Variants in PDE11A observed in about 807,000 individuals in gnomAD.
PDE11A encodes phosphodiesterase 11A.
PDE11A carries 100 observed loss-of-function variants against 100.5 expected under a neutral mutation model. The observed-to-expected ratio is 1.00, with a 90% CI of 0.85 to 1.18. PDE11A has a LOEUF of 1.18. Ranked by LOEUF, PDE11A falls within the 50% of genes most tolerant of loss-of-function variation. The pLI is 0.00. For synonymous variants in PDE11A, 381 were observed against 420.8 expected (o/e 0.91, Z 1.16); for missense variants, 1,141 against 1,152.6 (o/e 0.99, Z 0.15).
chr2:177,919,298 C>T (rs2085002560), intron 2 of PDE11A, among the ~76,000 whole-genome samples: 1 of 151,926 alleles, frequency 6.6e-6, no homozygotes, highest in East Asian at 1.9e-4. Context: ...GGGGTTTCAC[C>T]ATATTGACCA....
chr2:177,946,316 C>T (rs2085428602), intron 2 of PDE11A, among the ~76,000 whole-genome samples: 1 of 135,218 alleles, frequency 7.4e-6, no homozygotes, highest in African/African-American at 2.8e-5. Context: ...CCGCCCCGTC[C>T]GGGAGGGAGG....
At chr2:178,003,135 T>C (rs1368793721) in intron 2 of PDE11A, among the ~76,000 whole-genome samples, 1 of 152,206 alleles carries the variant, frequency 6.6e-6, no homozygotes, top group African/African-American at 2.4e-5. Context: ...CAAAACAGTC[T>C]GGTAGTTCCT....
intron 17 of PDE11A, among the ~76,000 whole-genome samples, chr2:177,671,984 GT>G (rs1255191505): frequency 6.6e-6 from 1 of 152,080 alleles, no homozygotes; most frequent in Non-Finnish European, 1.5e-5. Context: ...CTCTTCTCTA[GT>G]TTTCTCTCAG....
intron 19 of PDE11A, among the ~76,000 whole-genome samples, chr2:177,645,721 T>C (rs2080214678): frequency 6.6e-6 from 1 of 152,230 alleles, no homozygotes; most frequent in African/African-American, 2.4e-5. Context: ...TATTAGCTCA[T>C]TAGAATCCAA....
intron 9 of PDE11A, among the ~76,000 whole-genome samples, chr2:177,775,598 A>C (rs2082366730): frequency 6.6e-6 from 1 of 151,950 alleles, no homozygotes; most frequent in South Asian, 2.1e-4. Flanking sequence ...TCTCAAACTA[A>C]ACTTCGTGCT....
intron 2 of PDE11A, among the ~76,000 whole-genome samples, chr2:177,923,131 AC>A (rs2085076669): frequency 6.6e-6 from 1 of 151,902 alleles, no homozygotes; most frequent in South Asian, 2.1e-4. Flanking sequence ...CTAATGCAGT[AC>A]TTTTATATTA....
Position 177,845,186 on chromosome 2 carries a change from C to A in PDE11A, c.1368-4803G>T, listed in dbSNP as rs545951685. 3.2e-4 allele frequency among the ~76,000 whole-genome samples: 49 copies of A among 151,426 alleles called. No homozygotes were observed. In the South Asian group the frequency reaches 1.0e-2, roughly 31 times the overall value. On this transcript the variant is annotated intron_variant, in intron 5 of 19. Transcript: ENST00000286063. ...CGGGGGGCTGACCCCCCCCACCTCCCTCCCGGACGGGGTGGCTGCCGGGCG... is the reference window on the plus strand; with the variant it reads ...CGGGGGGCTGACCCCCCCCACCTCCATCCCGGACGGGGTGGCTGCCGGGCG...
At chr2:177,945,844 G>A (rs1216249536) in intron 2 of PDE11A, among the ~76,000 whole-genome samples, 49 of 113,930 alleles carry the variant, frequency 4.3e-4, no homozygotes, top group East Asian at 1.3e-3. Flanking sequence ...TCAGCCCCCC[G>A]CCTGGCCAGC....
At chr2:177,892,234 C>T (rs1276279288) in intron 4 of PDE11A, among the ~76,000 whole-genome samples, 5 of 152,050 alleles carry the variant, frequency 3.3e-5, no homozygotes, top group Non-Finnish European at 5.9e-5. Context: ...TTATATGAAT[C>T]ATAATTTTGC....
At chr2:177,781,578 C>T (rs1392574812) in intron 9 of PDE11A, among the ~76,000 whole-genome samples, 2 of 151,814 alleles carry the variant, frequency 1.3e-5, no homozygotes, top group African/African-American at 4.8e-5. Flanking sequence ...TCTCAGTTCA[C>T]TGCAGCCTCC....
At chr2:178,052,320 A>G (rs1176057525) in intron 1 of PDE11A, among the ~76,000 whole-genome samples, 4 of 152,276 alleles carry the variant, frequency 2.6e-5, no homozygotes, top group African/African-American at 4.8e-5. Flanking sequence ...ACCAGTGAGA[A>G]CAAAGACACA....
At chr2:177,631,512 A>AAT (rs1180694998) in intron 19 of PDE11A, among the ~76,000 whole-genome samples, 113 of 10,782 alleles carry the variant, frequency 0.01, 4 homozygotes, top group Non-Finnish European at 0.014. Context: ...AAAAAAAAAA[A>AAT]ATATATATAT....
intron 15 of PDE11A, among the ~76,000 whole-genome samples, chr2:177,682,121 C>G (rs1355635015): frequency 1.3e-5 from 2 of 152,122 alleles, no homozygotes; most frequent in Admixed American, 6.5e-5. Context: ...ACATTGGTCT[C>G]CACAACCCCT....
chr2:177,938,104 G>A (rs2085299798), intron 2 of PDE11A, among the ~76,000 whole-genome samples: 1 of 152,172 alleles, frequency 6.6e-6, no homozygotes, highest in South Asian at 2.1e-4. Flanking sequence ...TAAAAGGAAG[G>A]ATGTAGGAGT....
intron 2 of PDE11A, among the ~76,000 whole-genome samples, chr2:178,088,041 T>C (rs1184245824): frequency 6.6e-6 from 1 of 152,166 alleles, no homozygotes; most frequent in Admixed American, 6.5e-5. Context: ...GCACTGAAGC[T>C]CCCCACCTCT....
intron 9 of PDE11A, among the ~76,000 whole-genome samples, chr2:177,784,947 TG>T (rs2082511192): frequency 1.3e-5 from 2 of 152,248 alleles, no homozygotes; most frequent in African/African-American, 4.8e-5. Flanking sequence ...ACGGATTAAC[TG>T]CTGTATAGAT....
chr2:177,786,056 G>T (rs2082532514), intron 9 of PDE11A, among the ~76,000 whole-genome samples: 1 of 152,168 alleles, frequency 6.6e-6, no homozygotes, highest in African/African-American at 2.4e-5. Context: ...GCACGCAGCT[G>T]GAGATCTGAG....
intron 4 of PDE11A, among the ~76,000 whole-genome samples, chr2:177,879,445 C>T (rs941830105): frequency 4.6e-5 from 7 of 152,146 alleles, no homozygotes; most frequent in African/African-American, 1.4e-4. Flanking sequence ...ACAACAAATA[C>T]GTACCGTCTT....
In PDE11A at chr2:177,993,903, T is replaced by C. The variant is rs565215051; in HGVS notation, c.1071+20399A>G. 2.0e-5 allele frequency among the ~76,000 whole-genome samples: 3 copies of C among 151,816 alleles called. No homozygotes were observed. The East Asian group carries it at 5.8e-4, about 29-fold the overall frequency. ...AGAATTATATGAGTTAATATATATG[T>C]ATATATGTGAAGATTAGACTCCGCA... On this transcript the variant is annotated intron_variant, in intron 2 of 19. Transcript: ENST00000286063.
Sources: gnomAD v4.1 joint callset for allele counts (sites outside exome capture counted in the v4.1 genomes callset) on GRCh38, gnomAD v4.1.1 for gene constraint, MANE v1.5 for transcripts, NCBI Gene and HGNC (gene_info 2026-07-23, HGNC 2026-07-21) for gene names.